The following KIF26B variants were observed in gnomAD, a reference collection of about 807,000 sequenced individuals.
The protein encoded by KIF26B is kinesin-like protein KIF26B.
KIF26B carries 63 observed loss-of-function variants against 151.2 expected under a neutral mutation model. The observed-to-expected ratio is 0.42, with a 90% confidence interval of 0.34 to 0.51. KIF26B has a LOEUF of 0.51. Ranked by LOEUF, KIF26B falls within the 20% of genes least tolerant of loss-of-function variation. The pLI, the probability that KIF26B is intolerant of heterozygous loss-of-function variation, is 0.07. For synonymous variants in KIF26B, 1,357 were observed against 1,262.1 expected, an observed-to-expected ratio of 1.08 and a Z score of -1.59; for missense variants, 2,813 against 2,913.6, an observed-to-expected ratio of 0.97 and a Z score of 0.79.
intron 10 of KIF26B, among the ~76,000 whole-genome samples, chr1:245,683,925 C>G (rs2044472619): frequency 6.6e-6 from 1 of 152,202 alleles, no homozygotes; most frequent in Admixed American, 6.5e-5. Flanking sequence ...CCTCTTGTTT[C>G]TATTCCCAGG....
chr1:245,616,993 C>T (rs544973144), intron 9 of KIF26B, among the ~76,000 whole-genome samples: 1 of 152,266 alleles, frequency 6.6e-6, no homozygotes, highest in African/African-American at 2.4e-5. Flanking sequence ...GGCTGGGCTG[C>T]TGTGTGCGCA....
chr1:245,709,422 C>T lies in KIF26B; in HGVS notation c.*6816C>T, dbSNP rs938563883. On this transcript the variant is annotated 3_prime_UTR_variant, in exon 15 of 15. Coordinates refer to ENST00000407071, the MANE Select transcript of KIF26B (RefSeq NM_018012.4). ...AAACTATGGTGGCATTAAATGTTCA[C>T]TTTTATTCTACCCAGAGTTGTGAAT... is the stretch of plus-strand genomic sequence containing the variant. The T allele has an allele frequency of 6.6e-6, 1 of 152,194 alleles. No homozygotes were observed. Among genetic ancestry groups the T allele is most frequent in the African/African-American group, 2.4e-5 (1 of 41,448 alleles). The allele number at this position is 152,194 out of a possible 1,614,324, so 9.4% of individuals were successfully genotyped here. A position where few individuals can be genotyped will look rare whatever the true frequency, so the allele number is the denominator to read the frequency against.
chr1:245,326,874 A>G (rs1277986945), intron 2 of KIF26B, among the ~76,000 whole-genome samples: 4 of 152,222 alleles, frequency 2.6e-5, no homozygotes, highest in African/African-American at 9.6e-5. Context: ...CCTTTTGCAC[A>G]TCAAGGATCA....
Position 245,708,658 on chromosome 1 carries a change from A to G in KIF26B, c.*6052A>G, listed in dbSNP as rs1180877870. On this transcript the variant is annotated 3_prime_UTR_variant, in exon 15 of 15. Coordinates refer to ENST00000407071, the MANE Select transcript of KIF26B (RefSeq NM_018012.4). The stretch of plus-strand genomic sequence containing the variant: ...GTCCGTGATATATTCCATAGGACAG[A>G]AAACCTGAGTTCTAATTCCAGCTTT... The G allele has an allele frequency of 6.6e-6, 1 of 151,994 alleles. No homozygotes were observed. The highest frequency in any genetic ancestry group is 1.5e-5 in the Non-Finnish European group (1 of 68,032). 9.4% of individuals were successfully genotyped at this position (151,994 alleles called of 1,614,324 possible).
chr1:245,346,463 G>A (rs756639611), intron 2 of KIF26B, among the ~76,000 whole-genome samples: 5 of 152,108 alleles, frequency 3.3e-5, no homozygotes, highest in Admixed American at 2.0e-4. Context: ...CATTGTTGCA[G>A]TCATCTATTC....
intron 2 of KIF26B, among the ~76,000 whole-genome samples, chr1:245,223,537 C>T (rs1346733793): frequency 6.6e-6 from 1 of 152,140 alleles, no homozygotes; most frequent in African/African-American, 2.4e-5. Context: ...CAGGAGGCAA[C>T]AATTATTCTA....
intron 4 of KIF26B, among the ~76,000 whole-genome samples, chr1:245,539,739 G>T (rs992387326): frequency 1.3e-5 from 2 of 152,078 alleles, no homozygotes; most frequent in African/African-American, 4.8e-5. Context: ...TGCAACCTCC[G>T]CCTCCTGGGT....
intron 2 of KIF26B, among the ~76,000 whole-genome samples, chr1:245,252,519 T>A (rs1281108566): frequency 3.9e-5 from 6 of 152,186 alleles, no homozygotes; most frequent in Non-Finnish European, 8.8e-5. Flanking sequence ...TTGACCTGTA[T>A]GGGTTTTTAC....
intron 2 of KIF26B, among the ~76,000 whole-genome samples, chr1:245,282,207 C>T (rs934411462): frequency 6.6e-6 from 1 of 152,084 alleles, no homozygotes; most frequent in Non-Finnish European, 1.5e-5. Context: ...CCCCATGAAG[C>T]TACCAATGAC....
At chr1:245,328,690 C>T (rs1198077326) in intron 2 of KIF26B, among the ~76,000 whole-genome samples, 26 of 152,144 alleles carry the variant, frequency 1.7e-4, no homozygotes, top group Admixed American at 1.6e-3. Flanking sequence ...GGAAAGGGCA[C>T]GACACTCATT....
At chr1:245,253,643 T>C (rs1670481656) in intron 2 of KIF26B, among the ~76,000 whole-genome samples, 1 of 152,008 alleles carries the variant, frequency 6.6e-6, no homozygotes, top group Admixed American at 6.6e-5. Context: ...TCTAAAGGCA[T>C]TTGGACATGG....
At chr1:245,595,010 A>G (rs1324629794) in intron 5 of KIF26B, among the ~76,000 whole-genome samples, 1 of 152,188 alleles carries the variant, frequency 6.6e-6, no homozygotes, top group East Asian at 1.9e-4. Context: ...TTGCACAATG[A>G]TTTTGTATCC....
intron 4 of KIF26B, among the ~76,000 whole-genome samples, chr1:245,421,221 A>T (rs1318389008): frequency 2.6e-5 from 4 of 152,134 alleles, no homozygotes; most frequent in Non-Finnish European, 5.9e-5. Flanking sequence ...TGTCACAAGC[A>T]CAGAAGCTCC....
rs187006871 is a variant in KIF26B, at chr1:245,344,079, C to T, written c.466-22755C>T. On this transcript the variant is annotated intron_variant, in intron 2 of 14. Coordinates refer to ENST00000407071, the MANE Select transcript of KIF26B (RefSeq NM_018012.4). The stretch of plus-strand genomic sequence containing the variant: ...TTCCTTCCCTCCTTCCTCCCTGCCT[C>T]GCTGCCTCCCTCCCTCCCTCTTTTC... Among the ~76,000 whole-genome samples, 15 of 138,200 alleles carry T rather than the reference C, an allele frequency of 1.1e-4. No individual in the cohort carries two copies. In the South Asian group the frequency reaches 1.5e-3, roughly 14 times the overall value. 90.7% of individuals were successfully genotyped at this position (138,200 alleles called of 152,430 possible). A position where few individuals can be genotyped will look rare whatever the true frequency, so the allele number is the denominator to read the frequency against.
At chr1:245,590,978 G>A (rs938694506) in intron 5 of KIF26B, among the ~76,000 whole-genome samples, 1 of 151,824 alleles carries the variant, frequency 6.6e-6, no homozygotes, top group Non-Finnish European at 1.5e-5. Flanking sequence ...CTCTGTGAGT[G>A]TAGGATGATT....
intron 4 of KIF26B, among the ~76,000 whole-genome samples, chr1:245,454,664 C>T (rs1572069902): frequency 6.6e-6 from 1 of 152,206 alleles, no homozygotes; most frequent in Admixed American, 6.5e-5. Context: ...ATTGAGAAAA[C>T]TATTGAGGAG....
intron 9 of KIF26B, among the ~76,000 whole-genome samples, chr1:245,625,560 G>A (rs1204180884): frequency 6.6e-6 from 1 of 152,094 alleles, no homozygotes; most frequent in Non-Finnish European, 1.5e-5. Flanking sequence ...CGCATACAAT[G>A]TGTGATGATC....
chr1:245,357,561 T>A (rs907754047), intron 2 of KIF26B, among the ~76,000 whole-genome samples: 1 of 152,170 alleles, frequency 6.6e-6, no homozygotes, highest in Non-Finnish European at 1.5e-5. Context: ...TGGTACACAT[T>A]TAAAGCGTAC....
intron 10 of KIF26B, among the ~76,000 whole-genome samples, chr1:245,679,943 C>T (rs182350473): frequency 1.5e-3 from 234 of 152,238 alleles, no homozygotes; most frequent in African/African-American, 5.5e-3. Context: ...CAGGGCCCCC[C>T]AACCCAAACC....
Sources: gnomAD v4.1 joint callset for allele counts (sites outside exome capture counted in the v4.1 genomes callset) on GRCh38, gnomAD v4.1.1 for gene constraint, MANE v1.5 for transcripts, NCBI Gene and HGNC (gene_info 2026-07-23, HGNC 2026-07-21) for gene names.